Variants in TRIML1 observed in about 807,000 individuals in gnomAD.
TRIML1 encodes tripartite motif family like 1.
A neutral mutation model predicts 32.3 loss-of-function variants in TRIML1; 34 were observed. That is an observed-to-expected ratio of 1.05 (90% CI 0.80 to 1.40). The LOEUF (loss-of-function observed/expected upper bound fraction) is 1.40. Ranked by LOEUF, TRIML1 falls within the 40% of genes most tolerant of loss-of-function variation. TRIML1 has a pLI of 0.00. For synonymous variants in TRIML1, 244 were observed against 226.6 expected (o/e 1.08, Z -0.69); for missense variants, 595 against 574.9 (o/e 1.03, Z -0.36).
chr4:188,147,513 T>C lies in TRIML1; in HGVS notation c.*141T>C. The C allele has an allele frequency of 1.6e-6, 1 of 609,190 alleles. No individual in the cohort carries two copies. The highest frequency in any genetic ancestry group is 2.5e-6 in the Non-Finnish European group (1 of 405,696). The allele number at this position is 609,190 out of a possible 1,614,324, so 37.7% of individuals were successfully genotyped here. ...CCCACCCCACCCCCAAGAGTTTCCA[T>C]TAACTTGATCCCATTATGAACAGCC... is the stretch of plus-strand genomic sequence containing the variant. On this transcript the variant is annotated 3_prime_UTR_variant, in exon 6 of 6. Coordinates refer to ENST00000332517, the MANE Select transcript of TRIML1 (RefSeq NM_178556.5).
chr4:188,146,324 G>A (rs968689003), intron 5 of TRIML1, among the ~76,000 whole-genome samples: 2 of 152,148 alleles, frequency 1.3e-5, no homozygotes, highest in Admixed American at 6.6e-5. Context: ...CCTTCTCCAC[G>A]TGGCTCTTCT....
At chr4:188,149,911 T>C (rs968798145), downstream of TRIML1, among the ~76,000 whole-genome samples, 1 of 152,060 alleles carries the variant, frequency 6.6e-6, no homozygotes, top group East Asian at 1.9e-4. Flanking sequence ...CAAACGATTC[T>C]CCTGCCTCAG....
Position 188,141,165 on chromosome 4 carries a change from G to GTTTTTTTTTTTTTTTT in TRIML1, c.504+546_504+561dup, listed in dbSNP as rs58714915. Among the ~76,000 whole-genome samples, 129 of 118,806 alleles carry GTTTTTTTTTTTTTTTT rather than the reference G, an allele frequency of 1.1e-3. 6 individuals are homozygous for GTTTTTTTTTTTTTTTT. The highest frequency in any genetic ancestry group is 8.2e-3 in the East Asian group (30 of 3,648). The allele number at this position is 118,806 out of a possible 152,430, so 77.9% of individuals were successfully genotyped here. ...ATTCTCCCAATAGACTTTGAAATCTGTTTTTTTTTTTTTTTTTTTGGAGAT... is the reference window on the plus strand; with the variant it reads ...ATTCTCCCAATAGACTTTGAAATCTGTTTTTTTTTTTTTTTTTTTTTTTTTTTTTTTTTTTGGAGAT... On this transcript the variant is annotated intron_variant, in intron 2 of 5. Transcript: ENST00000332517.
chr4:188,142,568 C>A lies in TRIML1; in HGVS notation c.735+86C>A. On this transcript the variant is annotated intron_variant, in intron 3 of 5. Coordinates refer to ENST00000332517, the MANE Select transcript of TRIML1 (RefSeq NM_178556.5). ...CATAGGAAATAATGTTTTCTTTATT[C>A]ATCTTAAAAACTAAGTTCTGGTCCA... 3 of 1,104,280 alleles carry A rather than the reference C, an allele frequency of 2.7e-6. No homozygotes were observed. The South Asian group carries it at 4.8e-5, about 18-fold the overall frequency. The allele number at this position is 1,104,280 out of a possible 1,614,324, so 68.4% of individuals were successfully genotyped here.
chr4:188,139,466 C>A lies in TRIML1; in HGVS notation c.-93C>A. The A allele has an allele frequency of 7.7e-7, 1 of 1,290,668 alleles. No homozygotes were observed. The highest frequency in any genetic ancestry group is 1.1e-6 in the Non-Finnish European group (1 of 935,030). The allele number at this position is 1,290,668 out of a possible 1,614,324, so 80.0% of individuals were successfully genotyped here. A position where few individuals can be genotyped will look rare whatever the true frequency, so the allele number is the denominator to read the frequency against. ...GTCATAACAACATAGGAACAGGTCA[C>A]CCGCGTGTTACTCAAAACTGTAGGA... On this transcript the variant is annotated 5_prime_UTR_variant, in exon 1 of 6. Coordinates refer to ENST00000332517, the MANE Select transcript of TRIML1 (RefSeq NM_178556.5).
chr4:188,140,445 G>GA (rs1162966770), intron 1 of TRIML1, 83 bp from the exon 2 acceptor site: 1 of 1,102,236 alleles, frequency 9.1e-7, no homozygotes, highest in African/African-American at 1.5e-5. Context: ...AGAGGCCTAG[G>GA]ACTGCGCAGT....
intron 3 of TRIML1, chr4:188,143,452 T>G: frequency 3.7e-6 from 1 of 268,344 alleles, no homozygotes; most frequent in Non-Finnish European, 7.3e-6. Context: ...TTTAGTGCCT[T>G]CCAAACACAC....
upstream of TRIML1, among the ~76,000 whole-genome samples, chr4:188,137,532 C>A (rs1734697358): frequency 6.9e-6 from 1 of 145,486 alleles, no homozygotes; most frequent in Non-Finnish European, 1.5e-5. Context: ...GGCTGGAGTG[C>A]AATGGCGTGA....
At position 188,146,923 on chromosome 4, in the gene TRIML1, A is replaced by C; in HGVS notation, c.958A>C (p.Asn320His). Residue 320 changes from asparagine to histidine, a missense_variant, in exon 6 of 6, where the codon AAC becomes CAC. By Grantham distance (68) the Asn-to-His change is moderately conservative (BLOSUM62 1). Coordinates refer to ENST00000332517, the MANE Select transcript of TRIML1 (RefSeq NM_178556.5). ...GGGAAGCAGACAGCAGCTACCCGAC[A>C]ACCCGGAAAGATTTGACCAGTCTGC... is the stretch of plus-strand genomic sequence containing the variant. ...YGGSRQQLPD[N>H]PERFDQSATV... 6.7e-7 allele frequency: 1 copy of C among 1,496,118 alleles called. No individual in the cohort carries two copies. The allele number at this position is 1,496,118 out of a possible 1,614,324, so 92.7% of individuals were successfully genotyped here.
chr4:188,143,901 C>T lies in TRIML1; in HGVS notation c.758+41C>T, dbSNP rs11940009. ...GTGTTCAGTTATGCAAGCTGCGGGGCAGTGGTGCTGATGGACAGTTCTGAG... is the reference window on the plus strand; with the variant it reads ...GTGTTCAGTTATGCAAGCTGCGGGGTAGTGGTGCTGATGGACAGTTCTGAG... On this transcript the variant is annotated intron_variant, in intron 4 of 5. Transcript: ENST00000332517. 28 of 1,613,426 alleles carry T rather than the reference C, an allele frequency of 1.7e-5. No homozygotes were observed. The South Asian group carries it at 1.8e-4, about 10-fold the overall frequency.
chr4:188,140,825 G>C (rs1428671430), intron 2 of TRIML1: 3 of 515,312 alleles, frequency 5.8e-6, no homozygotes, highest in South Asian at 5.2e-5. Context: ...CCCCCTCTAG[G>C]AGCCTCCTTT....
At chr4:188,143,917 C>G (rs1293632732) in intron 4 of TRIML1, 57 bp downstream of exon 4, 2 of 1,612,062 alleles carry the variant, frequency 1.2e-6, no homozygotes, top group Non-Finnish European at 1.7e-6. Flanking sequence ...TGCTGATGGA[C>G]AGTTCTGAGT....
In TRIML1 at chr4:188,147,445, C is replaced by G. The variant is rs113919044; in HGVS notation, c.*73C>G. 2 of 1,315,062 alleles carry G rather than the reference C, an allele frequency of 1.5e-6. No individual in the cohort carries two copies. The highest frequency in any genetic ancestry group is 2.0e-6 in the Non-Finnish European group (2 of 1,005,962). 81.5% of individuals were successfully genotyped at this position (1,315,062 alleles called of 1,614,324 possible). On this transcript the variant is annotated 3_prime_UTR_variant, in exon 6 of 6. Coordinates refer to ENST00000332517, the MANE Select transcript of TRIML1 (RefSeq NM_178556.5). The stretch of plus-strand genomic sequence containing the variant: ...ACAACTATTAAGACGATGAAGGCAT[C>G]GACAGTATTAATGTCAGGTGATCTG...
rs775293781 is a variant in TRIML1 at position 188,147,345 on chromosome 4, C to A, written c.1380C>A (p.Thr460=). The part of the protein sequence containing the change: ...PNEGTNTDPL[T]ICSLNSHV ...AGGGGACAAACACAGACCCTCTCAC[C>A]ATCTGCTCACTGAACAGCCACGTCT... is the stretch of plus-strand genomic sequence containing the variant. Residue 460 remains threonine (T), a synonymous_variant, in exon 6 of 6, where the codon ACC becomes ACA. Coordinates refer to ENST00000332517, the MANE Select transcript of TRIML1 (RefSeq NM_178556.5). 2.6e-5 allele frequency: 40 copies of A among 1,511,040 alleles called. No individual in the cohort carries two copies. Among genetic ancestry groups the A allele is most frequent in the Non-Finnish European group, 3.2e-5 (36 of 1,131,428 alleles). 93.6% of individuals were successfully genotyped at this position (1,511,040 alleles called of 1,614,324 possible). A position where few individuals can be genotyped will look rare whatever the true frequency, so the allele number is the denominator to read the frequency against.
At position 188,140,587 on chromosome 4, in the gene TRIML1, A is replaced by C; in HGVS notation, c.468A>C (p.Val156=). 1.2e-6 allele frequency: 2 copies of C among 1,614,078 alleles called. No individual in the cohort carries two copies. Among genetic ancestry groups the C allele is most frequent in the Non-Finnish European group, 1.7e-6 (2 of 1,179,960 alleles). ...TAAGGAGAAAGGAAGCTCAGGCTGTACTAACCCATGAGAAGGAGAGAGTGA... is the reference window on the plus strand; with the variant it reads ...TAAGGAGAAAGGAAGCTCAGGCTGTCCTAACCCATGAGAAGGAGAGAGTGA... ...LRVRRKEAQA[V]LTHEKERVKL... The change falls in exon 2 of 6, where the codon GTA becomes GTC. Residue 156 remains valine, a synonymous_variant. Transcript: ENST00000332517.
In TRIML1 at chr4:188,144,146, G is replaced by A. The variant is rs1189868252; in HGVS notation, c.856+13G>A. ...AGAAAATTCAGCAGTAAGTCAGCCT[G>A]ATTTGTTACCCCTCCGGGGCTCGAA... On this transcript the variant is annotated intron_variant, in intron 5 of 5. Transcript: ENST00000332517. 6.2e-7 allele frequency: 1 copy of A among 1,610,616 alleles called. No homozygotes were observed. Among genetic ancestry groups the A allele is most frequent in the African/African-American group, 1.3e-5 (1 of 74,980 alleles).
intron 2 of TRIML1, 123 bp from the exon 3 acceptor site, chr4:188,142,129 A>G (rs550654816): frequency 1.9e-4 from 130 of 673,200 alleles, no homozygotes; most frequent in African/African-American, 9.0e-4. Flanking sequence ...AAAAAAAAAA[A>G]AAAGAAAGAA....
intron 5 of TRIML1, among the ~76,000 whole-genome samples, chr4:188,145,769 T>A (rs1329612507): frequency 6.6e-6 from 1 of 151,978 alleles, no homozygotes; most frequent in African/African-American, 2.4e-5. Context: ...TGAGTCAAGA[T>A]CGCGTCATTG....
intron 5 of TRIML1, among the ~76,000 whole-genome samples, chr4:188,145,685 G>A (rs6810416): frequency 0.27 from 40,300 of 151,520 alleles, 5,591 homozygotes; most frequent in Middle Eastern, 0.43. Flanking sequence ...CTAGCCGGGC[G>A]TGGTGGTGGA....
Sources: allele counts gnomAD v4.1 joint callset (sites outside exome capture counted in the v4.1 genomes callset), GRCh38; gene constraint gnomAD v4.1.1; transcripts MANE v1.5; gene names NCBI Gene and HGNC (gene_info 2026-07-23, HGNC 2026-07-21).